DMD: variants seen among roughly 807,000 people sequenced by gnomAD.
DMD encodes the protein mutant dystrophin.
A neutral mutation model predicts 330.1 loss-of-function variants in DMD; 63 were observed. That is an observed-to-expected ratio of 0.19 (90% CI 0.16 to 0.24). The LOEUF is 0.24. Among genes scored for constraint, DMD ranks in the 10% least tolerant of loss-of-function variants. DMD has a pLI of 1.00. For synonymous variants in DMD, 1,223 were observed against 959.8 expected, an observed-to-expected ratio of 1.27 and a Z score of -5.07; for missense variants, 3,344 against 2,684.1, an observed-to-expected ratio of 1.25 and a Z score of -5.43.
chrX:32,196,847 G>T (rs776310483), intron 44 of DMD, among the ~76,000 whole-genome samples: 1 of 108,959 alleles, frequency 9.2e-6, no homozygotes, highest in Non-Finnish European at 1.9e-5. Flanking sequence ...TTAGCGGGGC[G>T]TGGTAGCCAG....
intron 12 of DMD, among the ~76,000 whole-genome samples, chrX:32,599,746 C>T (rs758789620): frequency 5.2e-4 from 58 of 111,766 alleles, no homozygotes; most frequent in African/African-American, 1.8e-3. Flanking sequence ...TATATACACA[C>T]ATACTAGGTA....
chrX:31,214,346 T>C (rs1417169348), intron 64 of DMD, among the ~76,000 whole-genome samples: 1 of 112,389 alleles, frequency 8.9e-6, no homozygotes, highest in East Asian at 2.8e-4. Context: ...CTATGGCTAT[T>C]AGTTGGTACT....
chrX:31,616,650 A>C (rs2078218229), intron 55 of DMD, among the ~76,000 whole-genome samples: 1 of 112,425 alleles, frequency 8.9e-6, no homozygotes, highest in South Asian at 3.7e-4. Context: ...AGCAGATGAA[A>C]TCTTTGCTCT....
chrX:31,411,702 C>T (rs1321879878), intron 60 of DMD, among the ~76,000 whole-genome samples: 3 of 111,013 alleles, frequency 2.7e-5, no homozygotes, highest in East Asian at 2.9e-4. Flanking sequence ...GGCACGATCT[C>T]GGCTCACTGT....
chrX:32,607,674 T>C (rs1284790901), intron 12 of DMD, among the ~76,000 whole-genome samples: 4 of 110,816 alleles, frequency 3.6e-5, no homozygotes, highest in African/African-American at 6.5e-5. Context: ...CATTTTGTTA[T>C]AAGATACGGT....
intron 47 of DMD, among the ~76,000 whole-genome samples, chrX:31,921,075 C>T (rs913876926): frequency 1.3e-4 from 14 of 111,147 alleles, no homozygotes; most frequent in African/African-American, 3.9e-4. Context: ...CTTTACTTTG[C>T]CAAAATGAGG....
chrX:32,679,337 G>GT (rs1325322911), intron 9 of DMD, among the ~76,000 whole-genome samples: 3,448 of 103,880 alleles, frequency 0.033, 91 homozygotes, highest in African/African-American at 0.094. Context: ...CGAGGTTTTG[G>GT]TTTTTTTTTT....
intron 44 of DMD, among the ~76,000 whole-genome samples, chrX:32,022,902 G>C (rs1383916851): frequency 1.9e-5 from 2 of 104,351 alleles, no homozygotes; most frequent in African/African-American, 7.2e-5. Flanking sequence ...GCACGATCTC[G>C]GCTCACTGCA....
chrX:32,694,211 A>T (rs1031053361), intron 9 of DMD, among the ~76,000 whole-genome samples: 17 of 110,603 alleles, frequency 1.5e-4, no homozygotes, highest in African/African-American at 5.6e-4. Flanking sequence ...ACATCTAGAG[A>T]TCTCATCTGT....
At chrX:32,506,806 C>G (rs1434200207) in intron 18 of DMD, among the ~76,000 whole-genome samples, 1 of 111,734 alleles carries the variant, frequency 8.9e-6, no homozygotes, top group African/African-American at 3.2e-5. Context: ...AATTCAGTTT[C>G]ACAAAGACAG....
chrX:32,173,959 A>T (rs1313628447), intron 44 of DMD, among the ~76,000 whole-genome samples: 2 of 112,230 alleles, frequency 1.8e-5, no homozygotes, highest in Non-Finnish European at 3.8e-5. Context: ...GAAAATTTTT[A>T]AAAAGATGTT....
At chrX:32,829,510 T>C (rs947056280) in intron 4 of DMD, among the ~76,000 whole-genome samples, 2 of 111,997 alleles carry the variant, frequency 1.8e-5, no homozygotes, top group Non-Finnish European at 3.8e-5. Flanking sequence ...GTTTTCTTTG[T>C]TATGACTGGG....
At chrX:33,294,607 T>C (rs2053559051) in intron 1 of DMD, among the ~76,000 whole-genome samples, 1 of 110,352 alleles carries the variant, frequency 9.1e-6, no homozygotes, top group African/African-American at 3.3e-5. Flanking sequence ...AAGTTTAATA[T>C]ATTTGATACT....
At position 31,444,481 on chromosome X, in the gene DMD, C is replaced by A; in HGVS notation, c.9084G>T (p.Gln3028His). 1 of 1,211,046 alleles carries A rather than the reference C, an allele frequency of 8.3e-7. No individual in the cohort carries two copies. The highest frequency in any genetic ancestry group is 1.1e-6 in the Non-Finnish European group (1 of 895,143). The part of the protein sequence containing the change: ...EDLNTRWKLL[Q>H]VAVEDRVRQL... ...ACAACAATGTTTACAATGTGCTTAC[C>A]TGCAGAAGCTTCCATCTGGTGTTCA... Residue 3028 changes from glutamine (Q) to histidine (H), a missense_variant and splice_region_variant, in exon 60 of 79, where the codon CAG (glutamine) becomes CAT (histidine). Coordinates refer to ENST00000357033, the MANE Select transcript of DMD (RefSeq NM_004006.3).
chrX:32,600,712 A>G (rs561736895), intron 12 of DMD, among the ~76,000 whole-genome samples: 3 of 110,604 alleles, frequency 2.7e-5, no homozygotes, highest in African/African-American at 9.9e-5. Flanking sequence ...TAAAATTAAT[A>G]TATTTAGATG....
chrX:32,778,545 G>C (rs1406551063), intron 7 of DMD, among the ~76,000 whole-genome samples: 1 of 112,027 alleles, frequency 8.9e-6, no homozygotes, highest in Non-Finnish European at 1.9e-5. Flanking sequence ...GAGTAGGTTA[G>C]ACATCTGACA....
intron 55 of DMD, among the ~76,000 whole-genome samples, chrX:31,518,763 A>G (rs1450245404): frequency 1.8e-5 from 2 of 111,042 alleles, no homozygotes; most frequent in African/African-American, 6.5e-5. Flanking sequence ...TTTATCCCCT[A>G]TCGAGGAAAC....
At chrX:32,468,270 G>T (rs1222495968) in intron 23 of DMD, among the ~76,000 whole-genome samples, 1 of 110,677 alleles carries the variant, frequency 9.0e-6, no homozygotes, top group East Asian at 2.9e-4. Context: ...ATTGGTAATG[G>T]TGAAAATAGA....
intron 48 of DMD, among the ~76,000 whole-genome samples, chrX:31,873,698 C>T (rs192799445): frequency 2.3e-3 from 254 of 111,556 alleles, no homozygotes; most frequent in African/African-American, 6.7e-3. Context: ...AATAAGGAGA[C>T]GCAAAACGGG....
Sources: gnomAD v4.1 joint callset for allele counts (sites outside exome capture counted in the v4.1 genomes callset) on GRCh38, gnomAD v4.1.1 for gene constraint, MANE v1.5 for transcripts, NCBI Gene and HGNC (gene_info 2026-07-23, HGNC 2026-07-21) for gene names.